The following KIFC2 variants were observed in gnomAD, a reference collection of about 807,000 sequenced individuals.
KIFC2 encodes the protein kinesin-like protein KIFC2.
In KIFC2, 94 loss-of-function variants were observed where a neutral mutation model predicts 91.5. That is an observed-to-expected ratio of 1.03 (90% confidence interval 0.87 to 1.22). KIFC2 has a LOEUF of 1.22. KIFC2 is among the 50% of genes most tolerant of loss of function. The pLI is 0.00. For missense variants in KIFC2, 1,357 were observed against 1,103.3 expected (o/e 1.23, Z -3.26); for synonymous variants, 729 against 503.9 (o/e 1.45, Z -5.98).
Position 144,467,246 on chromosome 8 carries a change from T to C in KIFC2, c.374T>C (p.Leu125Ser). The change falls in exon 4 of 18, where the codon TTG becomes TCG. Residue 125 changes from leucine (L) to serine (S), a missense_variant. Transcript: ENST00000645548. Reference protein sequence around the residue: ...PSLLTVTSQLLALLAWLRSPR... With the variant: ...PSLLTVTSQLSALLAWLRSPR... The stretch of plus-strand genomic sequence containing the variant: ...CTGTTGACAGTGACCAGTCAGCTCT[T>C]GGCCCTTCTGGCATGGCTTCGAAGC... 1 of 1,613,618 alleles carries C rather than the reference T, an allele frequency of 6.2e-7. No individual in the cohort carries two copies. The highest frequency in any genetic ancestry group is 8.5e-7 in the Non-Finnish European group (1 of 1,180,006).
Position 144,468,618 on chromosome 8 carries a change from G to T in KIFC2, c.971G>T (p.Arg324Leu), listed in dbSNP as rs142013461. ...LQQETEQNCR[R>L]ELQQMHGQLA... ...CAGGAGACGGAGCAGAACTGCAGGC[G>T]TGAGCTACAGCAGATGCATGGGCAG... The change falls in exon 9 of 18, where the codon CGT (arginine) becomes CTT (leucine). Residue 324 changes from arginine (R) to leucine (L), a missense_variant. Coordinates refer to ENST00000645548, the MANE Select transcript of KIFC2 (RefSeq NM_001369769.2). 3 of 1,613,370 alleles carry T rather than the reference G, an allele frequency of 1.9e-6. No individual in the cohort carries two copies. Among genetic ancestry groups the T allele is most frequent in the Non-Finnish European group, 2.5e-6 (3 of 1,179,656 alleles).
chr8:144,469,159 C>T, intron 10 of KIFC2, 112 bp from the exon 11 acceptor site: 1 of 882,016 alleles, frequency 1.1e-6, no homozygotes, highest in Non-Finnish European at 1.8e-6. Flanking sequence ...TGTGGCTTAG[C>T]ACAGCTGAGC....
At position 144,473,746 on chromosome 8, in the gene KIFC2, A is replaced by G. The variant is rs1825042070; in HGVS notation, c.*357A>G. 1.2e-5 allele frequency: 5 copies of G among 406,518 alleles called. No homozygotes were observed. The South Asian group carries it at 2.5e-4, about 20-fold the overall frequency. The allele number at this position is 406,518 out of a possible 1,614,324, so 25.2% of individuals were successfully genotyped here. A position where few individuals can be genotyped will look rare whatever the true frequency, so the allele number is the denominator to read the frequency against. On this transcript the variant is annotated 3_prime_UTR_variant, in exon 18 of 18. Coordinates refer to ENST00000645548, the MANE Select transcript of KIFC2 (RefSeq NM_001369769.2). The stretch of plus-strand genomic sequence containing the variant: ...CAGGCATGGCATTAAAACGTTGCAA[A>G]TTCCTTTACTGTTATCCCCCCCACC...
Position 144,468,399 on chromosome 8 carries a change from G to T in KIFC2, c.881G>T (p.Arg294Leu), listed in dbSNP as rs1325601041. The change falls in exon 8 of 18, where the codon CGA becomes CTA. Residue 294 changes from arginine to leucine, a missense_variant. Coordinates refer to ENST00000645548, the MANE Select transcript of KIFC2 (RefSeq NM_001369769.2). ...GCCCAAGACACCACAGAAGCCCTCC[G>T]AGCCCAGGTGGGCATGGGGCCCAGG... ...QEAQDTTEAL[R>L]AQLGVQEVQL... 1 of 1,612,600 alleles carries T rather than the reference G, an allele frequency of 6.2e-7. No homozygotes were observed. Among genetic ancestry groups the T allele is most frequent in the Non-Finnish European group, 8.5e-7 (1 of 1,179,768 alleles).
At chr8:144,469,904 C>T (rs1448333192) in intron 12 of KIFC2, among the ~76,000 whole-genome samples, 4 of 152,356 alleles carry the variant, frequency 2.6e-5, no homozygotes, top group African/African-American at 9.6e-5. Flanking sequence ...CTATGAGGGC[C>T]CCTCATTGCT....
rs763238597 is a variant in KIFC2, at chr8:144,467,232, G to A, written c.360G>A (p.Val120=). 9 of 1,613,696 alleles carry A rather than the reference G, an allele frequency of 5.6e-6. No individual in the cohort carries two copies. The South Asian group carries it at 9.9e-5, about 18-fold the overall frequency. Reference sequence around the variant, plus strand: ...GCGAGGTCCCCTCACTGTTGACAGTGACCAGTCAGCTCTTGGCCCTTCTGG... The same window carrying A: ...GCGAGGTCCCCTCACTGTTGACAGTAACCAGTCAGCTCTTGGCCCTTCTGG... ...QSGEVPSLLT[V]TSQLLALLAW... The change falls in exon 4 of 18, where the codon GTG becomes GTA. Residue 120 remains valine (V), a synonymous_variant. Transcript: ENST00000645548.
chr8:144,466,377 G>A lies in KIFC2; in HGVS notation c.-43G>A, dbSNP rs779754095. 2 of 857,410 alleles carry A rather than the reference G, an allele frequency of 2.3e-6. No individual in the cohort carries two copies. The highest frequency in any genetic ancestry group is 4.0e-5 in the South Asian group (1 of 24,804). The allele number at this position is 857,410 out of a possible 1,614,324, so 53.1% of individuals were successfully genotyped here. A position where few individuals can be genotyped will look rare whatever the true frequency, so the allele number is the denominator to read the frequency against. ...GGGCGCCGAGTCTGGGCGCGGGGAC[G>A]CGGGGCGGCGCGAAGCGGGGCCCTC... On this transcript the variant is annotated 5_prime_UTR_variant, in exon 1 of 18. Transcript: ENST00000645548.
chr8:144,466,738 G>T (rs947744458), intron 1 of KIFC2, 22 bp from the exon 2 acceptor site: 2 of 1,509,122 alleles, frequency 1.3e-6, no homozygotes, highest in Non-Finnish European at 1.8e-6. Context: ...CCTCCTCAGG[G>T]GCGCCCCTGC....
In KIFC2 at chr8:144,468,763, G is replaced by A. The variant is rs1380400374; in HGVS notation, c.1042G>A (p.Gly348Arg). 1.9e-6 allele frequency: 3 copies of A among 1,614,038 alleles called. No homozygotes were observed. The highest frequency in any genetic ancestry group is 2.5e-6 in the Non-Finnish European group (3 of 1,180,008). ...GATGGCCAGCCTGCGTCAGGGCTGCGGGGACCTCCGAGGTTTGGTCAGCAC... is the reference window on the plus strand; with the variant it reads ...GATGGCCAGCCTGCGTCAGGGCTGCAGGGACCTCCGAGGTTTGGTCAGCAC... ...ARMASLRQGC[G>R]DLRGLVSTFT... Residue 348 changes from glycine to arginine, a missense_variant, in exon 10 of 18, where the codon GGG becomes AGG. By Grantham distance (125) the Gly-to-Arg change is moderately radical (BLOSUM62 -2). Coordinates refer to ENST00000645548, the MANE Select transcript of KIFC2 (RefSeq NM_001369769.2).
rs750806320 is a variant in KIFC2, at chr8:144,467,019, C to T, written c.239C>T (p.Ser80Phe). The T allele has an allele frequency of 1.3e-5, 21 of 1,597,278 alleles. No homozygotes were observed. Among genetic ancestry groups the T allele is most frequent in the South Asian group, 6.7e-5 (6 of 89,668 alleles). ...GAAEGRAAAV[S>F]LEEALLRLAE... ...GCCGAGGGCCGCGCGGCCGCGGTGT[C>T]CCTGGAAGAGGCCCTACTGCGCCTC... The change falls in exon 3 of 18, where the codon TCC (serine) becomes TTC (phenylalanine). Residue 80 changes from serine to phenylalanine, a missense_variant. Coordinates refer to ENST00000645548, the MANE Select transcript of KIFC2 (RefSeq NM_001369769.2).
rs776124283 is a variant in KIFC2 at position 144,466,959 on chromosome 8, C to G, written c.179C>G (p.Ala60Gly). 2 of 1,591,962 alleles carry G rather than the reference C, an allele frequency of 1.3e-6. No homozygotes were observed. Among genetic ancestry groups the G allele is most frequent in the African/African-American group, 2.7e-5 (2 of 74,610 alleles). ...TCCCGCCCTCCTCCCTGACCGGCAG[C>G]CAGCTCCGAGCCTGAGGATGGGTCG... ...ELWTELTGLA[A>G]SSEPEDGSEG... Residue 60 changes from alanine (A) to glycine (G), a missense_variant and splice_region_variant, in exon 3 of 18, where the codon GCC (alanine) becomes GGC (glycine). Transcript: ENST00000645548.
In KIFC2 at chr8:144,467,793, G is replaced by A; in HGVS notation, c.681+14G>A. On this transcript the variant is annotated intron_variant, in intron 6 of 17. Coordinates refer to ENST00000645548, the MANE Select transcript of KIFC2 (RefSeq NM_001369769.2). Reference sequence around the variant, plus strand: ...CGCCTGGGCGTGGTGAGGCTGCAGGGAGACCTGGCAGGGCCGGGCATGGAG... The same window carrying A: ...CGCCTGGGCGTGGTGAGGCTGCAGGAAGACCTGGCAGGGCCGGGCATGGAG... 1 of 1,613,676 alleles carries A rather than the reference G, an allele frequency of 6.2e-7. No homozygotes were observed.
chr8:144,466,453 T>A lies in KIFC2; in HGVS notation c.34T>A (p.Phe12Ile), dbSNP rs1243330217. ...CTTTTACTCGTTGCTCATCTACATC[T>A]TCTACAGCCTCTTCCGCAGGGATGG... ...YAFYSLLIYI[F>I]YSLFRRDGGA... The change falls in exon 1 of 18, where the codon TTC becomes ATC. Residue 12 changes from phenylalanine (F) to isoleucine (I), a missense_variant. Physicochemically the swap from Phe to Ile is conservative, Grantham distance 21. Transcript: ENST00000645548. 7 of 1,358,596 alleles carry A rather than the reference T, an allele frequency of 5.2e-6. No homozygotes were observed. The highest frequency in any genetic ancestry group is 6.7e-6 in the Non-Finnish European group (7 of 1,043,006). 84.2% of individuals were successfully genotyped at this position (1,358,596 alleles called of 1,614,324 possible).
Position 144,469,517 on chromosome 8 carries a change from G to A in KIFC2, c.1250G>A (p.Arg417Lys), listed in dbSNP as rs761755104. The A allele has an allele frequency of 7.4e-6, 12 of 1,613,920 alleles. No individual in the cohort carries two copies. The South Asian group carries it at 9.9e-5, about 13-fold the overall frequency. Residue 417 changes from arginine to lysine, a missense_variant, in exon 12 of 18, where the codon AGG becomes AAG. By Grantham distance (26) the Arg-to-Lys change is conservative. Coordinates refer to ENST00000645548, the MANE Select transcript of KIFC2 (RefSeq NM_001369769.2). ...KGNIRVLCRL[R>K]PGTSSSLVSV... ...AATATCCGTGTGCTGTGTCGGCTGA[G>A]GCCAGGGACATCTTCTAGCCTTGTG...
chr8:144,469,871 G>T (rs1457370097), intron 12 of KIFC2, among the ~76,000 whole-genome samples: 3 of 152,238 alleles, frequency 2.0e-5, no homozygotes, highest in Non-Finnish European at 4.4e-5. Context: ...ACTCCCCTTT[G>T]CTGGGGTCCA....
In KIFC2 at chr8:144,466,999, G is replaced by A; in HGVS notation, c.219G>A (p.Glu73=). The A allele has an allele frequency of 6.3e-7, 1 of 1,596,624 alleles. No homozygotes were observed. ...EPEDGSEGAA[E]GRAAAVSLEE... ...AGGATGGGTCGGAAGGCGCAGCCGA[G>A]GGCCGCGCGGCCGCGGTGTCCCTGG... The change falls in exon 3 of 18, where the codon GAG becomes GAA. Residue 73 remains glutamate, a synonymous_variant. Coordinates refer to ENST00000645548, the MANE Select transcript of KIFC2 (RefSeq NM_001369769.2).
chr8:144,473,342 A>T lies in KIFC2; in HGVS notation c.2329A>T (p.Asn777Tyr), dbSNP rs760637420. 1 of 1,592,386 alleles carries T rather than the reference A, an allele frequency of 6.3e-7. No homozygotes were observed. The stretch of plus-strand genomic sequence containing the variant: ...CAGTCCTCCATGCCCCAGTCCCGAC[A>T]ACGGCTCGGGCTCGGCTCTCGCGCC... ...PGSPPCPSPD[N>Y]GSGSALAPAE... Residue 777 changes from asparagine (N) to tyrosine (Y), a missense_variant, in exon 18 of 18, where the codon AAC (asparagine) becomes TAC (tyrosine). Coordinates refer to ENST00000645548, the MANE Select transcript of KIFC2 (RefSeq NM_001369769.2).
At chr8:144,470,365 G>A (rs1055217760) in intron 12 of KIFC2, among the ~76,000 whole-genome samples, 11 of 152,228 alleles carry the variant, frequency 7.2e-5, no homozygotes, top group African/African-American at 2.4e-4. Context: ...CTTGTGCACC[G>A]TCCTCTGGAC....
Position 144,472,441 on chromosome 8 carries a change from G to A in KIFC2, c.1688G>A (p.Gly563Asp), listed in dbSNP as rs1426861609. The A allele has an allele frequency of 1.2e-6, 2 of 1,612,514 alleles. No homozygotes were observed. Among genetic ancestry groups the A allele is most frequent in the African/African-American group, 2.7e-5 (2 of 74,916 alleles). Residue 563 changes from glycine to aspartate, a missense_variant, in exon 15 of 18, where the codon GGC (glycine) becomes GAC (aspartate). Coordinates refer to ENST00000645548, the MANE Select transcript of KIFC2 (RefSeq NM_001369769.2). ...GGCCAGGGCGGGATCCAGGTGGCTG[G>A]CCTCACCCACTGGGACGTGCCCAAC... The part of the protein sequence containing the change: ...PEGQGGIQVA[G>D]LTHWDVPNLE...
Sources: allele counts gnomAD v4.1 joint callset (sites outside exome capture counted in the v4.1 genomes callset), GRCh38; gene constraint gnomAD v4.1.1; transcripts MANE v1.5; gene names NCBI Gene and HGNC (gene_info 2026-07-23, HGNC 2026-07-21).